Variants in PXDN observed in about 807,000 individuals in gnomAD.
The protein encoded by PXDN is peroxidasin, also known as peroxidasin homolog.
In PXDN, 77 loss-of-function variants were observed where a neutral mutation model predicts 140.3. The ratio of observed to expected loss-of-function variants is 0.55; its 90% confidence interval spans 0.46 to 0.66. The LOEUF (loss-of-function observed/expected upper bound fraction) is 0.66, where lower values mean the gene tolerates loss of function less well. PXDN is among the 30% of genes least tolerant of loss of function. The pLI is 0.00. For missense variants in PXDN, 1,838 were observed against 2,039.5 expected, an observed-to-expected ratio of 0.90 and a Z score of 1.90; for synonymous variants, 911 against 857.4, an observed-to-expected ratio of 1.06 and a Z score of -1.09.
Position 1,660,325 on chromosome 2 carries a change from G to C in PXDN, c.1837+556C>G, listed in dbSNP as rs1683274037. 6.6e-6 allele frequency among the ~76,000 whole-genome samples: 1 copy of C among 152,150 alleles called. No individual in the cohort carries two copies. The highest frequency in any genetic ancestry group is 2.4e-5 in the African/African-American group (1 of 41,422). On this transcript the variant is annotated intron_variant, in intron 14 of 22. Transcript: ENST00000252804. The surrounding 1 kb of genome is among the most constrained non-coding windows in gnomAD (Gnocchi z 4.6). ...CCTCGGGGTGAGTGGGATGGAAGTG[G>C]TGGCGGACCAGGATGCAAACAGACA...
At chr2:1,702,043 C>G (rs572071705) in intron 1 of PXDN, among the ~76,000 whole-genome samples, 3 of 152,104 alleles carry the variant, frequency 2.0e-5, no homozygotes, top group Non-Finnish European at 4.4e-5. Context: ...GACGCCTGAA[C>G]GGAGTAAGAC....
intron 9 of PXDN, among the ~76,000 whole-genome samples, chr2:1,669,556 T>C (rs1305639449): frequency 6.6e-6 from 1 of 152,198 alleles, no homozygotes; most frequent in Non-Finnish European, 1.5e-5. Context: ...AAATTTTTGT[T>C]TGGGTCAGAC....
chr2:1,733,952 C>A (rs1027519246), intron 1 of PXDN, among the ~76,000 whole-genome samples: 1 of 151,950 alleles, frequency 6.6e-6, no homozygotes, highest in African/African-American at 2.4e-5. Context: ...TATGAACCTA[C>A]GCAGAGGAAT....
In PXDN at chr2:1,694,157, C is replaced by T. The variant is rs146806343; in HGVS notation, c.201-1023G>A. Among the ~76,000 whole-genome samples, 1,441 of 152,294 alleles carry T rather than the reference C, an allele frequency of 9.5e-3. 17 individuals carry two copies. The highest frequency in any genetic ancestry group is 0.032 in the African/African-American group (1,338 of 41,552). On this transcript the variant is annotated intron_variant, in intron 1 of 22. Coordinates refer to ENST00000252804, the MANE Select transcript of PXDN (RefSeq NM_012293.3). ...TCTTTTAATATCGTCCAGTAGGGATCGGTACGGGTTGAACTGTGTCTCCCC... is the reference window on the plus strand; with the variant it reads ...TCTTTTAATATCGTCCAGTAGGGATTGGTACGGGTTGAACTGTGTCTCCCC...
intron 14 of PXDN, among the ~76,000 whole-genome samples, chr2:1,658,498 C>T (rs534607769): frequency 1.1e-4 from 17 of 152,020 alleles, no homozygotes; most frequent in African/African-American, 1.4e-4. Flanking sequence ...GGACCAGCCC[C>T]GCAGACCCCA....
chr2:1,658,346 C>G (rs1683217000), intron 14 of PXDN, among the ~76,000 whole-genome samples: 1 of 152,064 alleles, frequency 6.6e-6, no homozygotes, highest in Non-Finnish European at 1.5e-5. Flanking sequence ...CAGGACTCCT[C>G]CATCTCTTCT....
intron 21 of PXDN, chr2:1,636,036 G>A: frequency 4.2e-6 from 1 of 240,350 alleles, no homozygotes; most frequent in Non-Finnish European, 8.1e-6. Flanking sequence ...TGCAGGGCCG[G>A]GGGGCAGACA....
intron 1 of PXDN, among the ~76,000 whole-genome samples, chr2:1,723,149 G>A (rs571114587): frequency 1.8e-3 from 266 of 151,542 alleles, no homozygotes; most frequent in Non-Finnish European, 2.5e-3. Context: ...TTGATGGATG[G>A]CTGACTGGAA....
intron 5 of PXDN, 56 bp from the exon 6 acceptor site, chr2:1,683,783 T>A: frequency 7.3e-7 from 1 of 1,361,856 alleles, no homozygotes; most frequent in African/African-American, 1.5e-5. Flanking sequence ...TTAAAATGTG[T>A]AGAAAAGAAT....
chr2:1,706,935 G>A (rs934821692), intron 1 of PXDN, among the ~76,000 whole-genome samples: 47 of 123,716 alleles, frequency 3.8e-4, no homozygotes, highest in African/African-American at 1.8e-3. Flanking sequence ...TCAGCTCTAA[G>A]CATCACCTGC....
intron 17 of PXDN, among the ~76,000 whole-genome samples, chr2:1,647,939 C>A (rs183921452): frequency 3.3e-5 from 5 of 152,132 alleles, no homozygotes; most frequent in African/African-American, 1.2e-4. Flanking sequence ...CAAAACAGGC[C>A]GGTGGAAGGG....
intron 22 of PXDN, 121 bp from the exon 23 acceptor site, chr2:1,634,444 C>T (rs939887067): frequency 1.6e-6 from 2 of 1,268,238 alleles, no homozygotes; most frequent in African/African-American, 3.0e-5. Context: ...CCTGAGGCCC[C>T]TGCCTTGCCC....
At chr2:1,697,891 A>C (rs1223092760) in intron 1 of PXDN, among the ~76,000 whole-genome samples, 2 of 152,230 alleles carry the variant, frequency 1.3e-5, no homozygotes, top group African/African-American at 2.4e-5. Flanking sequence ...TCTATGAAGT[A>C]AGTTGGCATG....
chr2:1,725,131 G>T (rs2125484453), intron 1 of PXDN, among the ~76,000 whole-genome samples: 1 of 152,258 alleles, frequency 6.6e-6, no homozygotes, highest in South Asian at 2.1e-4. Context: ...TATCATAACA[G>T]ATTGTTTTCT....
chr2:1,744,420 G>T lies in PXDN; in HGVS notation c.36C>A (p.Cys12Ter). The stretch of plus-strand genomic sequence containing the variant: ...CGCAGAACAGCACGAGCGCCAACAG[G>T]CAGCGGCGCCCGGGGCCCCTGGAGC... The part of the protein sequence containing the change: ...AKRSRGPGRR[C>*]LLALVLFCAW... The change falls in exon 1 of 23, where the codon TGC becomes TGA. Residue 12 changes from cysteine to a stop codon, truncating the protein, a stop_gained. Transcript: ENST00000252804. LOFTEE classifies it high-confidence loss of function. 1 of 1,507,548 alleles carries T rather than the reference G, an allele frequency of 6.6e-7. No individual in the cohort carries two copies. Among genetic ancestry groups the T allele is most frequent in the Non-Finnish European group, 8.8e-7 (1 of 1,135,350 alleles). 93.4% of individuals were successfully genotyped at this position (1,507,548 alleles called of 1,614,324 possible).
intron 14 of PXDN, among the ~76,000 whole-genome samples, chr2:1,658,223 G>C (rs979977384): frequency 2.4e-4 from 37 of 151,682 alleles, no homozygotes; most frequent in African/African-American, 9.0e-4. Flanking sequence ...TCCCTGTGTG[G>C]TTCCACTTCA....
At chr2:1,741,728 G>T (rs539659782) in intron 1 of PXDN, among the ~76,000 whole-genome samples, 2 of 151,462 alleles carry the variant, frequency 1.3e-5, no homozygotes, top group Non-Finnish European at 2.9e-5. Flanking sequence ...TTTGGGGCAG[G>T]TTTTTTTTTA....
rs1684020482 is a variant in PXDN at position 1,685,158 on chromosome 2, G to C, written c.417-1007C>G. On this transcript the variant is annotated intron_variant, in intron 4 of 22. Transcript: ENST00000252804. This position sits in a 1 kb window ranked among gnomAD's most constrained non-coding sequence, Gnocchi z 5.1. ...GCCCCGTCCCGGGGCCAGCTCCCCA[G>C]GCAGCACCCACACAGGCCACACTGA... is the stretch of plus-strand genomic sequence containing the variant. Among the ~76,000 whole-genome samples, 1 of 152,218 alleles carries C rather than the reference G, an allele frequency of 6.6e-6. No individual in the cohort carries two copies. The highest frequency in any genetic ancestry group is 6.5e-5 in the Admixed American group (1 of 15,276).
chr2:1,744,573 G>GT (rs1287121734), upstream of PXDN: 12 of 865,052 alleles, frequency 1.4e-5, no homozygotes, highest in African/African-American at 2.1e-4. Context: ...GGCGCCAGCT[G>GT]TGCACATGCG....
Sources: gnomAD v4.1 joint callset for allele counts (sites outside exome capture counted in the v4.1 genomes callset) on GRCh38, gnomAD v4.1.1 for gene constraint, Gnocchi (gnomAD v3.1) non-coding constraint, MANE v1.5 for transcripts, NCBI Gene and HGNC (gene_info 2026-07-23, HGNC 2026-07-21) for gene names.